NETO1: variants seen among roughly 807,000 people sequenced by gnomAD.
NETO1 encodes the protein neuropilin and tolloid like 1.
Under a neutral mutation model 61.3 loss-of-function variants are expected in NETO1, and 26 were observed. That is an observed-to-expected ratio of 0.42 (90% CI 0.31 to 0.59). The LOEUF is 0.59. NETO1 is among the 20% of genes least tolerant of loss of function. The pLI, the probability that NETO1 is intolerant of heterozygous loss-of-function variation, is 0.12. For missense variants in NETO1, 531 were observed against 662.8 expected (o/e 0.80, Z 2.18); for synonymous variants, 225 against 225.8 (o/e 1.00, Z 0.03).
At chr18:72,827,382 C>A (rs1263412613) in intron 4 of NETO1, among the ~76,000 whole-genome samples, 1 of 152,124 alleles carries the variant, frequency 6.6e-6, no homozygotes, top group East Asian at 1.9e-4. Context: ...CCCCAAACAA[C>A]CATATGGCCA....
At chr18:72,831,828 C>T (rs2145397262) in intron 4 of NETO1, among the ~76,000 whole-genome samples, 1 of 151,726 alleles carries the variant, frequency 6.6e-6, no homozygotes, top group Non-Finnish European at 1.5e-5. Context: ...GGTGGAAAAG[C>T]AATGCCAGTA....
intron 4 of NETO1, among the ~76,000 whole-genome samples, chr18:72,797,883 C>A (rs1599020194): frequency 6.6e-6 from 1 of 152,284 alleles, no homozygotes; most frequent in East Asian, 1.9e-4. Context: ...TTTCTCCTGG[C>A]TTTGGAGAGC....
intron 7 of NETO1, among the ~76,000 whole-genome samples, chr18:72,769,445 C>T (rs1263844984): frequency 1.3e-5 from 2 of 152,114 alleles, no homozygotes; most frequent in Middle Eastern, 3.2e-3. Context: ...GGGTTCTTTT[C>T]TGATATTATA....
intron 7 of NETO1, among the ~76,000 whole-genome samples, chr18:72,766,220 A>ATATGTGTGTG (rs1491565058): frequency 1.9e-3 from 272 of 144,760 alleles, no homozygotes; most frequent in African/African-American, 5.8e-3. Context: ...AAAAAAAAAT[A>ATATGTGTGTG]TGTGTGTGTG....
At chr18:72,865,820 T>C (rs538524061) in intron 1 of NETO1, 30 of 886,880 alleles carry the variant, frequency 3.4e-5, no homozygotes, top group African/African-American at 6.8e-5. Flanking sequence ...CCTACAAAAA[T>C]GTTCTGAACC....
At chr18:72,775,905 T>C (rs2071531841) in intron 7 of NETO1, among the ~76,000 whole-genome samples, 1 of 152,172 alleles carries the variant, frequency 6.6e-6, no homozygotes, top group Non-Finnish European at 1.5e-5. Flanking sequence ...AGACGCTCTC[T>C]AAACTCTCTT....
At chr18:72,866,540 T>C (rs150731156) in intron 1 of NETO1, among the ~76,000 whole-genome samples, 112 of 152,306 alleles carry the variant, frequency 7.4e-4, no homozygotes, top group African/African-American at 2.6e-3. Context: ...CCTGTTTTGA[T>C]GAAATCACAT....
chr18:72,865,202 G>A lies in NETO1; in HGVS notation c.68C>T (p.Thr23Ile), dbSNP rs1306099460. Residue 23 changes from threonine to isoleucine, a missense_variant, in exon 2 of 11, where the codon ACC becomes ATC. Thr to Ile is a moderately conservative substitution (Grantham distance 89). Transcript: ENST00000327305. ...SLIILHLSGA[T>I]KKGTEKQTTS... ...AGTAAACACACCTGTTCCTTTCTTG[G>A]TTGCCCCAGACAAATGGAGGATGAT... is the stretch of plus-strand genomic sequence containing the variant. The A allele has an allele frequency of 3.7e-6, 6 of 1,612,938 alleles. No individual in the cohort carries two copies. The highest frequency in any genetic ancestry group is 1.3e-5 in the African/African-American group (1 of 74,844).
At chr18:72,814,261 A>T (rs982699673) in intron 4 of NETO1, among the ~76,000 whole-genome samples, 3 of 152,190 alleles carry the variant, frequency 2.0e-5, no homozygotes, top group African/African-American at 7.2e-5. Context: ...CAGATAAATC[A>T]TGAGACAGTA....
At chr18:72,772,823 CTCTATATATATATATATATATATATA>C (rs59909961) in intron 7 of NETO1, among the ~76,000 whole-genome samples, 5,737 of 38,830 alleles carry the variant, frequency 0.15, 354 homozygotes, top group Admixed American at 0.19. Context: ...CTCTCTCTCT[CTCTATATATATATATATATATATATA>C]TATATATATA....
intron 7 of NETO1, among the ~76,000 whole-genome samples, chr18:72,783,317 A>T (rs752451147): frequency 9.9e-5 from 15 of 152,208 alleles, no homozygotes; most frequent in Non-Finnish European, 1.8e-4. Context: ...CCTACCAAAT[A>T]TTTTTATGCA....
At chr18:72,806,914 C>T (rs1249417661) in intron 4 of NETO1, among the ~76,000 whole-genome samples, 2 of 152,178 alleles carry the variant, frequency 1.3e-5, no homozygotes, top group African/African-American at 2.4e-5. Flanking sequence ...TTCCATCCTT[C>T]CATACTTGTC....
intron 4 of NETO1, among the ~76,000 whole-genome samples, chr18:72,805,822 A>G (rs2072657816): frequency 6.6e-6 from 1 of 152,194 alleles, no homozygotes; most frequent in South Asian, 2.1e-4. Flanking sequence ...AATTTTATAT[A>G]TAAAACAGAT....
intron 4 of NETO1, among the ~76,000 whole-genome samples, chr18:72,836,649 G>A (rs756413097): frequency 6.6e-6 from 1 of 152,140 alleles, no homozygotes; most frequent in Non-Finnish European, 1.5e-5. Context: ...ATTGCAAATC[G>A]TTTTGCATGA....
At chr18:72,772,476 G>C (rs1321419460) in intron 7 of NETO1, among the ~76,000 whole-genome samples, 1 of 151,906 alleles carries the variant, frequency 6.6e-6, no homozygotes, top group Non-Finnish European at 1.5e-5. Context: ...TCCGTGTATG[G>C]GTTCATGAAA....
intron 4 of NETO1, among the ~76,000 whole-genome samples, chr18:72,804,000 G>A (rs2072593476): frequency 6.6e-6 from 1 of 151,890 alleles, no homozygotes; most frequent in African/African-American, 2.4e-5. Context: ...TGTAAATAAT[G>A]CCATTCTTCT....
chr18:72,792,367 C>T (rs557258066), intron 6 of NETO1, among the ~76,000 whole-genome samples: 16 of 151,958 alleles, frequency 1.1e-4, no homozygotes, highest in Admixed American at 1.3e-4. Flanking sequence ...TGCAGTGAGC[C>T]GAGATCGCAC....
At chr18:72,787,416 T>C (rs116437384) in intron 6 of NETO1, among the ~76,000 whole-genome samples, 1,649 of 152,184 alleles carry the variant, frequency 0.011, 33 homozygotes, top group African/African-American at 0.038. Flanking sequence ...ATGAAAAATA[T>C]TTAAATAATT....
chr18:72,825,931 G>T (rs755955777), intron 4 of NETO1, among the ~76,000 whole-genome samples: 4 of 151,982 alleles, frequency 2.6e-5, no homozygotes, highest in Admixed American at 6.6e-5. Flanking sequence ...TGACATATAT[G>T]GTGAAATATT....
Sources: allele counts gnomAD v4.1 joint callset (sites outside exome capture counted in the v4.1 genomes callset), GRCh38; gene constraint gnomAD v4.1.1; transcripts MANE v1.5; gene names NCBI Gene and HGNC (gene_info 2026-07-23, HGNC 2026-07-21).